Variants in PAFAH1B2 observed in about 807,000 individuals in gnomAD.
PAFAH1B2 encodes the protein platelet activating factor acetylhydrolase 1b catalytic subunit 2.
PAFAH1B2 carries 8 observed loss-of-function variants against 28.0 expected under a neutral mutation model. The ratio of observed to expected loss-of-function variants is 0.29; its 90% CI spans 0.17 to 0.52. The LOEUF (loss-of-function observed/expected upper bound fraction) is 0.52, where lower values mean the gene tolerates loss of function less well. Among genes scored for constraint, PAFAH1B2 ranks in the 20% least tolerant of loss-of-function variants. PAFAH1B2 has a pLI of 0.97. For synonymous variants in PAFAH1B2, 104 were observed against 103.2 expected (o/e 1.01, Z -0.05); for missense variants, 190 against 282.6 (o/e 0.67, Z 2.35).
Position 117,167,562 on chromosome 11 carries a change from G to A in PAFAH1B2, c.553G>A (p.Ala185Thr), listed in dbSNP as rs754363895. 3.1e-6 allele frequency: 5 copies of A among 1,612,924 alleles called. No homozygotes were observed. Among genetic ancestry groups the A allele is most frequent in the Middle Eastern group, 1.7e-4 (1 of 6,056 alleles). ...CGGGGGTTTTGTGCACTCGGACGGT[G>A]CCATCTCCTGCCACGACATGTTTGA... ...TDGGFVHSDG[A>T]ISCHDMFDFL... The change falls in exon 6 of 6, where the codon GCC (alanine) becomes ACC (threonine). Residue 185 changes from alanine to threonine, a missense_variant. Coordinates refer to ENST00000527958, the MANE Select transcript of PAFAH1B2 (RefSeq NM_002572.4).
In PAFAH1B2 at chr11:117,157,768, A is replaced by G. The variant is rs183026152; in HGVS notation, c.82-2166A>G. 2.4e-4 allele frequency among the ~76,000 whole-genome samples: 36 copies of G among 152,226 alleles called. No individual in the cohort carries two copies. In the South Asian group the frequency reaches 4.6e-3, roughly 19 times the overall value. ...TAGTGAGACCCCATCTTTGGGAAAAAAAGAGAGTAGGCCTTTTCCTAGACC... is the reference window on the plus strand; with the variant it reads ...TAGTGAGACCCCATCTTTGGGAAAAGAAGAGAGTAGGCCTTTTCCTAGACC... On this transcript the variant is annotated intron_variant, in intron 2 of 5. Transcript: ENST00000527958.
chr11:117,170,409 G>A lies in PAFAH1B2; in HGVS notation c.*2710G>A, dbSNP rs1956624811. 9.4e-7 allele frequency: 1 copy of A among 1,059,260 alleles called. No individual in the cohort carries two copies. Among genetic ancestry groups the A allele is most frequent in the Admixed American group, 5.5e-5 (1 of 18,200 alleles). The allele number at this position is 1,059,260 out of a possible 1,614,324, so 65.6% of individuals were successfully genotyped here. On this transcript the variant is annotated 3_prime_UTR_variant, in exon 6 of 6. Coordinates refer to ENST00000527958, the MANE Select transcript of PAFAH1B2 (RefSeq NM_002572.4). Reference sequence around the variant, plus strand: ...AGATGTCTGTGGTCATATGTTGAATGTGGCAGCTTGAAGATGTACTGCCAC... The same window carrying A: ...AGATGTCTGTGGTCATATGTTGAATATGGCAGCTTGAAGATGTACTGCCAC...
intron 5 of PAFAH1B2, 84 bp from the exon 6 acceptor site, chr11:117,167,337 G>A: frequency 9.7e-6 from 13 of 1,346,308 alleles, no homozygotes; most frequent in Non-Finnish European, 1.2e-5. Context: ...AAATGGAGAT[G>A]TTCCAGGAAT....
downstream of PAFAH1B2, among the ~76,000 whole-genome samples, chr11:117,171,359 T>G (rs1424247088): frequency 1.3e-5 from 2 of 152,190 alleles, no homozygotes; most frequent in Admixed American, 6.5e-5. Context: ...TCATCTGAAC[T>G]GGGTGAATGT....
chr11:117,151,204 ACT>A (rs1242182134), intron 1 of PAFAH1B2, among the ~76,000 whole-genome samples: 1 of 147,932 alleles, frequency 6.8e-6, no homozygotes, highest in Non-Finnish European at 1.5e-5. Flanking sequence ...ACATATTTGG[ACT>A]CATCATTACT....
downstream of PAFAH1B2, chr11:117,171,484 C>A (rs148925548): frequency 3.4e-5 from 19 of 551,724 alleles, no homozygotes; most frequent in East Asian, 5.2e-4. Flanking sequence ...TACCGTGAGA[C>A]GAGATTGCGC....
At chr11:117,153,619 G>C (rs1956202591) in intron 2 of PAFAH1B2, among the ~76,000 whole-genome samples, 1 of 152,152 alleles carries the variant, frequency 6.6e-6, no homozygotes, top group African/African-American at 2.4e-5. Flanking sequence ...TCAAACTCCT[G>C]ACCTCAAGTG....
rs748790471 is a variant in PAFAH1B2 at position 117,161,210 on chromosome 11, A to G, written c.237A>G (p.Arg79=). 1.3e-6 allele frequency: 2 copies of G among 1,596,578 alleles called. No individual in the cohort carries two copies. The highest frequency in any genetic ancestry group is 2.3e-5 in the South Asian group (2 of 86,934). The change falls in exon 4 of 6, where the codon AGA becomes AGG. Residue 79 remains arginine (R), a synonymous_variant. Coordinates refer to ENST00000527958, the MANE Select transcript of PAFAH1B2 (RefSeq NM_002572.4). ...LNFGIGGDTT[R]HVLWRLKNGE... Reference sequence around the variant, plus strand: ...TTGGAATTGGGGGAGATACAACAAGACATGTTTTGTGGAGACTAAAGAATG... The same window carrying G: ...TTGGAATTGGGGGAGATACAACAAGGCATGTTTTGTGGAGACTAAAGAATG...
rs1956549440 is a variant in PAFAH1B2 at position 117,167,925 on chromosome 11, T to G, written c.*226T>G. On this transcript the variant is annotated 3_prime_UTR_variant, in exon 6 of 6. Coordinates refer to ENST00000527958, the MANE Select transcript of PAFAH1B2 (RefSeq NM_002572.4). Reference sequence around the variant, plus strand: ...AGGAAGATTGTTGTTTAAATTCATTTGAAACCAGAAGGGGACTTTTTAGTT... The same window carrying G: ...AGGAAGATTGTTGTTTAAATTCATTGGAAACCAGAAGGGGACTTTTTAGTT... The G allele has an allele frequency of 3.4e-6, 4 of 1,164,572 alleles. No homozygotes were observed. Among genetic ancestry groups the G allele is most frequent in the Non-Finnish European group, 2.1e-6 (2 of 944,746 alleles). The allele number at this position is 1,164,572 out of a possible 1,614,324, so 72.1% of individuals were successfully genotyped here. A position where few individuals can be genotyped will look rare whatever the true frequency, so the allele number is the denominator to read the frequency against.
rs750096171 is a variant in PAFAH1B2, at chr11:117,144,747, C to CGCCCT, written c.-8+348_-8+352dup. 3.3e-3 allele frequency among the ~76,000 whole-genome samples: 498 copies of CGCCCT among 152,032 alleles called. 3 individuals are homozygous for CGCCCT. In the Middle Eastern group the frequency reaches 0.041, roughly 13 times the overall value. On this transcript the variant is annotated intron_variant, in intron 1 of 5. Transcript: ENST00000527958. Reference sequence around the variant, plus strand: ...GGGTAGCGCGGCGGGCGCCCCGCCCCGCCCTGCCCTGCCCTGCCCTGCCGG... The same window carrying CGCCCT: ...GGGTAGCGCGGCGGGCGCCCCGCCCCGCCCTGCCCTGCCCTGCCCTGCCCTGCCGG...
chr11:117,170,021 G>C lies in PAFAH1B2; in HGVS notation c.*2322G>C. 2 of 1,055,064 alleles carry C rather than the reference G, an allele frequency of 1.9e-6. No homozygotes were observed. The highest frequency in any genetic ancestry group is 2.3e-6 in the Non-Finnish European group (2 of 873,006). The allele number at this position is 1,055,064 out of a possible 1,614,324, so 65.4% of individuals were successfully genotyped here. ...ATCTACCAGAGCTATTCAAGCAATAGTATTTGAACCACTAGCCTTTTAAAT... is the reference window on the plus strand; with the variant it reads ...ATCTACCAGAGCTATTCAAGCAATACTATTTGAACCACTAGCCTTTTAAAT... On this transcript the variant is annotated 3_prime_UTR_variant, in exon 6 of 6. Transcript: ENST00000527958.
downstream of PAFAH1B2, among the ~76,000 whole-genome samples, chr11:117,172,851 G>C (rs1021660371): frequency 6.6e-6 from 1 of 152,162 alleles, no homozygotes; most frequent in Non-Finnish European, 1.5e-5. Context: ...TTACAGGCGT[G>C]TACCACCACG....
At chr11:117,173,864 A>G (rs1338814259), downstream of PAFAH1B2, among the ~76,000 whole-genome samples, 1 of 152,242 alleles carries the variant, frequency 6.6e-6, no homozygotes, top group Non-Finnish European at 1.5e-5. Flanking sequence ...CTCTTGCTGG[A>G]GCTGCTTATG....
Position 117,170,157 on chromosome 11 carries a change from C to G in PAFAH1B2, c.*2458C>G, listed in dbSNP as rs1956616585. 9.5e-7 allele frequency: 1 copy of G among 1,054,958 alleles called. No individual in the cohort carries two copies. Among genetic ancestry groups the G allele is most frequent in the African/African-American group, 1.7e-5 (1 of 60,518 alleles). The allele number at this position is 1,054,958 out of a possible 1,614,324, so 65.3% of individuals were successfully genotyped here. A position where few individuals can be genotyped will look rare whatever the true frequency, so the allele number is the denominator to read the frequency against. Reference sequence around the variant, plus strand: ...AGTTAATCTATTTTTCTTTGACATCCTAGTTTGCGTCAGTGACAGAACTTA... The same window carrying G: ...AGTTAATCTATTTTTCTTTGACATCGTAGTTTGCGTCAGTGACAGAACTTA... On this transcript the variant is annotated 3_prime_UTR_variant, in exon 6 of 6. Transcript: ENST00000527958.
chr11:117,172,569 C>T (rs1053205154), downstream of PAFAH1B2, among the ~76,000 whole-genome samples: 7 of 151,998 alleles, frequency 4.6e-5, no homozygotes, highest in Non-Finnish European at 8.8e-5. Flanking sequence ...CATGACCTGG[C>T]CTCTTTAATT....
chr11:117,144,878 C>T (rs1344173075), intron 1 of PAFAH1B2, among the ~76,000 whole-genome samples: 2 of 152,188 alleles, frequency 1.3e-5, no homozygotes, highest in Non-Finnish European at 2.9e-5. Context: ...AGGGGTCTAA[C>T]TTCTCACTCT....
intron 1 of PAFAH1B2, among the ~76,000 whole-genome samples, chr11:117,151,471 T>A (rs913319412): frequency 2.0e-5 from 3 of 151,986 alleles, no homozygotes; most frequent in African/African-American, 7.2e-5. Context: ...CCTTGTGACC[T>A]GCCTGCCTTG....
rs76205794 is a variant in PAFAH1B2, at chr11:117,170,648, G to T, written c.*2949G>T. 4.0e-4 allele frequency: 319 copies of T among 792,534 alleles called. No individual in the cohort carries two copies. Among genetic ancestry groups the T allele is most frequent in the Non-Finnish European group, 4.5e-4 (293 of 649,362 alleles). The allele number at this position is 792,534 out of a possible 1,614,324, so 49.1% of individuals were successfully genotyped here. A position where few individuals can be genotyped will look rare whatever the true frequency, so the allele number is the denominator to read the frequency against. On this transcript the variant is annotated 3_prime_UTR_variant, in exon 6 of 6. Coordinates refer to ENST00000527958, the MANE Select transcript of PAFAH1B2 (RefSeq NM_002572.4). ...GTTTAAAAAAAAAAAAAAAAAAAAA[G>T]TCCAACTTACTTTATTTTATTTTTT...
chr11:117,157,714 C>T (rs756058460), intron 2 of PAFAH1B2, among the ~76,000 whole-genome samples: 16 of 152,092 alleles, frequency 1.1e-4, no homozygotes, highest in Admixed American at 2.6e-4. Flanking sequence ...GTCACTTGAG[C>T]CCAGGAATTC....
Sources: gnomAD v4.1 joint callset for allele counts (sites outside exome capture counted in the v4.1 genomes callset) on GRCh38, gnomAD v4.1.1 for gene constraint, MANE v1.5 for transcripts, NCBI Gene and HGNC (gene_info 2026-07-23, HGNC 2026-07-21) for gene names.